NBEAL2: variants seen among roughly 807,000 people sequenced by gnomAD.
NBEAL2 encodes the protein neurobeachin-like protein 2.
In NBEAL2, 160 loss-of-function variants were observed where a neutral mutation model predicts 299.8. The observed-to-expected ratio is 0.53, with a 90% confidence interval of 0.47 to 0.61. The LOEUF (loss-of-function observed/expected upper bound fraction) is 0.61, where lower values mean the gene tolerates loss of function less well. NBEAL2 is among the 20% of genes least tolerant of loss of function. NBEAL2 has a pLI of 0.00. For synonymous variants in NBEAL2, 1,493 were observed against 1,542.3 expected (o/e 0.97, Z 0.75); for missense variants, 3,112 against 3,649.0 (o/e 0.85, Z 3.79).
intron 22 of NBEAL2, 34 bp downstream of exon 22, chr3:46,998,599 G>T: frequency 3.1e-6 from 5 of 1,592,610 alleles, no homozygotes; most frequent in Non-Finnish European, 4.3e-6. Flanking sequence ...GCCATGGGGG[G>T]CTGACACAGT....
rs1201645516 is a variant in NBEAL2, at chr3:46,991,825, T to C, written c.926-15T>C. The C allele has an allele frequency of 5.1e-6, 8 of 1,583,120 alleles. No individual in the cohort carries two copies. The highest frequency in any genetic ancestry group is 6.9e-6 in the Non-Finnish European group (8 of 1,164,736). ...GAGGGGTCTGGGCAGGGCCTGACCC[T>C]TGACCCTTCCACAGACGCCATCCCC... On this transcript the variant is annotated splice_polypyrimidine_tract_variant and intron_variant, in intron 8 of 53. Transcript: ENST00000450053. This position sits in a 1 kb window ranked among gnomAD's most constrained non-coding sequence, Gnocchi z 6.2.
Position 46,991,425 on chromosome 3 carries a change from T to A in NBEAL2, c.662T>A (p.Val221Glu). Residue 221 changes from valine (V) to glutamate (E), a missense_variant, in exon 8 of 54, where the codon GTA becomes GAA. Coordinates refer to ENST00000450053, the MANE Select transcript of NBEAL2 (RefSeq NM_015175.3). This position sits in a 1 kb window ranked among gnomAD's most constrained non-coding sequence, Gnocchi z 6.2. ...AGGKENGQMAVSDGSVKGLLS... is the reference protein window; with the variant it reads ...AGGKENGQMAESDGSVKGLLS... ...CTGCAGGAGAACGGGCAGATGGCTG[T>A]AAGTGATGGCTCTGTGAAGGGCCTG... The A allele has an allele frequency of 6.2e-7, 1 of 1,607,778 alleles. No individual in the cohort carries two copies. Among genetic ancestry groups the A allele is most frequent in the Non-Finnish European group, 8.5e-7 (1 of 1,176,094 alleles).
At chr3:47,008,751 A>G (rs534355838) in intron 52 of NBEAL2, 83 bp downstream of exon 52, 2 of 1,561,494 alleles carry the variant, frequency 1.3e-6, no homozygotes, top group East Asian at 2.3e-5. Context: ...CCCACACACC[A>G]TACATGTTTG....
At position 47,000,303 on chromosome 3, in the gene NBEAL2, C is replaced by T. The variant is rs2036877106; in HGVS notation, c.4204C>T (p.Pro1402Ser). 5.6e-6 allele frequency: 9 copies of T among 1,612,244 alleles called. No individual in the cohort carries two copies. In the East Asian group the frequency reaches 1.3e-4, roughly 24 times the overall value. Residue 1402 changes from proline (P) to serine (S), a missense_variant, in exon 27 of 54, where the codon CCT (proline) becomes TCT (serine). Physicochemically the swap from Pro to Ser is moderately conservative, Grantham distance 74. This residue lies in a region of NBEAL2 where 2,243 missense variants were observed against 2,538.1 expected (regional missense o/e 0.88). Transcript: ENST00000450053. The surrounding 1 kb of genome is among the most constrained non-coding windows in gnomAD (Gnocchi z 4.5). ...TGGGCCGCGGCCCTTTCCTGCTGCT[C>T]CTGGCCGCCACAGCTCCAGTCTCTC... ...LDGPRPFPAA[P>S]GRHSSSLSNV... is the part of the protein sequence containing the mutation.
chr3:46,983,065 G>A (rs1466308562), intron 1 of NBEAL2, among the ~76,000 whole-genome samples: 2 of 152,168 alleles, frequency 1.3e-5, no homozygotes. Flanking sequence ...GAATGTGGAA[G>A]GGCACTCAGG....
In NBEAL2 at chr3:46,996,404, C is replaced by G. The variant is rs2036503872; in HGVS notation, c.2285C>G (p.Ala762Gly). The G allele has an allele frequency of 6.2e-7, 1 of 1,611,758 alleles. No individual in the cohort carries two copies. Residue 762 changes from alanine (A) to glycine (G), a missense_variant, in exon 16 of 54, where the codon GCC (alanine) becomes GGC (glycine). Physicochemically the swap from Ala to Gly is moderately conservative, Grantham distance 60 (BLOSUM62 0). Transcript: ENST00000450053. ...PALTRSQSVP[A>G]STGLGWGSGL... Reference sequence around the variant, plus strand: ...CTCACCCGCTCCCAGTCAGTCCCAGCCTCCACAGGGCTTGGCTGGGGGTCC... The same window carrying G: ...CTCACCCGCTCCCAGTCAGTCCCAGGCTCCACAGGGCTTGGCTGGGGGTCC...
At position 46,996,443 on chromosome 3, in the gene NBEAL2, C is replaced by T; in HGVS notation, c.2324C>T (p.Pro775Leu). ...GLGWGSGLVA[P>L]LQEGSIDSTL... is the part of the protein sequence containing the mutation. ...GGCTGGGGGTCCGGGCTGGTGGCCC[C>T]CCTGCAGGAGGGCAGCATCGACTCT... The change falls in exon 16 of 54, where the codon CCC becomes CTC. Residue 775 changes from proline to leucine, a missense_variant. By Grantham distance (98) the Pro-to-Leu change is moderately conservative (BLOSUM62 -3). Coordinates refer to ENST00000450053, the MANE Select transcript of NBEAL2 (RefSeq NM_015175.3). 6.2e-7 allele frequency: 1 copy of T among 1,608,400 alleles called. No homozygotes were observed. Among genetic ancestry groups the T allele is most frequent in the Non-Finnish European group, 8.5e-7 (1 of 1,177,636 alleles).
In NBEAL2 at chr3:47,000,362, C is replaced by T; in HGVS notation, c.4263C>T (p.Pro1421=). The change falls in exon 27 of 54, where the codon CCC becomes CCT. Residue 1421 remains proline, a synonymous_variant. Transcript: ENST00000450053. This position sits in a 1 kb window ranked among gnomAD's most constrained non-coding sequence, Gnocchi z 4.5. ...TGGAGGACGGCAGCCTCCCGGAGCC[C>T]ACCATTAGCGGGGATGATACCTCGA... ...NVLEDGSLPE[P]TISGDDTSNT... 6.3e-7 allele frequency: 1 copy of T among 1,594,518 alleles called. No individual in the cohort carries two copies. Among genetic ancestry groups the T allele is most frequent in the Non-Finnish European group, 8.6e-7 (1 of 1,167,752 alleles).
Position 46,998,552 on chromosome 3 carries a change from C to T in NBEAL2, c.3208C>T (p.Arg1070Cys), listed in dbSNP as rs1323267930. Residue 1070 changes from arginine to cysteine, a missense_variant, in exon 22 of 54, where the codon CGC (arginine) becomes TGC (cysteine). Arg to Cys is a radical substitution (Grantham distance 180, BLOSUM62 -3). Coordinates refer to ENST00000450053, the MANE Select transcript of NBEAL2 (RefSeq NM_015175.3). ...YGVQFILDAL[R>C]THYSPQRERP... is the part of the protein sequence containing the mutation. ...CGTCCAGTTTATCTTGGATGCTCTG[C>T]GCACCCACTACAGGTGAGGCCAGTG... is the stretch of plus-strand genomic sequence containing the variant. 5 of 1,610,668 alleles carry T rather than the reference C, an allele frequency of 3.1e-6. No individual in the cohort carries two copies. Among genetic ancestry groups the T allele is most frequent in the Admixed American group, 3.4e-5 (2 of 59,622 alleles).
In NBEAL2 at chr3:46,988,444, T is replaced by C. The variant is rs998032774; in HGVS notation, c.52-225T>C. Among the ~76,000 whole-genome samples, 3 of 152,092 alleles carry C rather than the reference T, an allele frequency of 2.0e-5. No individual in the cohort carries two copies. Among genetic ancestry groups the C allele is most frequent in the African/African-American group, 7.2e-5 (3 of 41,428 alleles). On this transcript the variant is annotated intron_variant, in intron 1 of 53. Transcript: ENST00000450053. The surrounding 1 kb of genome is among the most constrained non-coding windows in gnomAD (Gnocchi z 4.4). Reference sequence around the variant, plus strand: ...AGAAGCAGTGGGGTGCCTGGAAAAGTGGTCAGTATGTACCTAACTCTCTGA... The same window carrying C: ...AGAAGCAGTGGGGTGCCTGGAAAAGCGGTCAGTATGTACCTAACTCTCTGA...
Position 47,004,744 on chromosome 3 carries a change from C to T in NBEAL2, c.6294+154C>T, listed in dbSNP as rs1362231693. The T allele has an allele frequency of 5.3e-6, 2 of 380,768 alleles. No homozygotes were observed. Among genetic ancestry groups the T allele is most frequent in the South Asian group, 4.1e-5 (1 of 24,634 alleles). 23.6% of individuals were successfully genotyped at this position (380,768 alleles called of 1,614,324 possible). ...ACCTGGCCTCTGTTCCCTGCCAACC[C>T]CCAGAGGTCCCCAGCCTCACTCCCT... is the stretch of plus-strand genomic sequence containing the variant. On this transcript the variant is annotated intron_variant, in intron 38 of 53. Coordinates refer to ENST00000450053, the MANE Select transcript of NBEAL2 (RefSeq NM_015175.3). This position sits in a 1 kb window ranked among gnomAD's most constrained non-coding sequence, Gnocchi z 5.0.
rs376711234 is a variant in NBEAL2 at position 46,991,206 on chromosome 3, C to G, written c.557-13C>G. On this transcript the variant is annotated splice_polypyrimidine_tract_variant and intron_variant, in intron 6 of 53. Transcript: ENST00000450053. This position sits in a 1 kb window ranked among gnomAD's most constrained non-coding sequence, Gnocchi z 6.2. ...CCTTGGTGACATTACCCTGCCCACACCCCCCTACCCAGAGAGCCTACAGAA... is the reference window on the plus strand; with the variant it reads ...CCTTGGTGACATTACCCTGCCCACAGCCCCCTACCCAGAGAGCCTACAGAA... 1.9e-6 allele frequency: 3 copies of G among 1,594,566 alleles called. No homozygotes were observed. The African/African-American group carries it at 4.0e-5, about 21-fold the overall frequency.
rs1300886679 is a variant in NBEAL2, at chr3:46,984,346, G to A, written c.52-4323G>A. Among the ~76,000 whole-genome samples the A allele has an allele frequency of 2.6e-5, 4 of 152,214 alleles. No homozygotes were observed. The South Asian group carries it at 6.2e-4, about 24-fold the overall frequency. On this transcript the variant is annotated intron_variant, in intron 1 of 53. Transcript: ENST00000450053. ...AAAAAAACAATAGTACAAGGGGATG[G>A]TCAGGCCCTGGGGCAGGGTGGGTGT...
chr3:47,009,380 C>G lies in NBEAL2; in HGVS notation c.*60C>G. ...GGCAGGCCTGGCCCGGGAGGCCCCG[C>G]CCAGAAGTCGGCGGGAACACCCCGG... On this transcript the variant is annotated 3_prime_UTR_variant, in exon 54 of 54. Coordinates refer to ENST00000450053, the MANE Select transcript of NBEAL2 (RefSeq NM_015175.3). 2 of 1,496,918 alleles carry G rather than the reference C, an allele frequency of 1.3e-6. No homozygotes were observed. The highest frequency in any genetic ancestry group is 1.8e-6 in the Non-Finnish European group (2 of 1,105,076). 92.7% of individuals were successfully genotyped at this position (1,496,918 alleles called of 1,614,324 possible). A position where few individuals can be genotyped will look rare whatever the true frequency, so the allele number is the denominator to read the frequency against.
chr3:46,981,576 G>A (rs866256398), intron 1 of NBEAL2, among the ~76,000 whole-genome samples: 60 of 152,244 alleles, frequency 3.9e-4, no homozygotes, highest in African/African-American at 1.4e-3. Flanking sequence ...GGGTCCCCTC[G>A]CCCCAGCTTC....
In NBEAL2 at chr3:46,988,678, G is replaced by T; in HGVS notation, c.61G>T (p.Gly21Cys). 1 of 1,613,860 alleles carries T rather than the reference G, an allele frequency of 6.2e-7. No homozygotes were observed. Residue 21 changes from glycine to cysteine, a missense_variant, in exon 2 of 54, where the codon GGT (glycine) becomes TGT (cysteine). Coordinates refer to ENST00000450053, the MANE Select transcript of NBEAL2 (RefSeq NM_015175.3). The surrounding 1 kb of genome is among the most constrained non-coding windows in gnomAD (Gnocchi z 4.4). Reference protein sequence around the residue: ...WLLYYAQKDLGYLQQWLKAFV... With the variant: ...WLLYYAQKDLCYLQQWLKAFV... The stretch of plus-strand genomic sequence containing the variant: ...CCTGTTCTGCCTACAGAAGGACCTG[G>T]GTTACCTGCAGCAGTGGCTGAAGGC...
chr3:47,005,885 G>C (rs376807310), intron 42 of NBEAL2, 38 bp downstream of exon 42: 8 of 1,612,736 alleles, frequency 5.0e-6, no homozygotes, highest in Non-Finnish European at 6.8e-6. Flanking sequence ...AGGCAGCCGG[G>C]GTTCTGAAGA....
At position 46,997,638 on chromosome 3, in the gene NBEAL2, C is replaced by A; in HGVS notation, c.2902C>A (p.Gln968Lys). The A allele has an allele frequency of 6.3e-7, 1 of 1,592,762 alleles. No individual in the cohort carries two copies. Among genetic ancestry groups the A allele is most frequent in the Non-Finnish European group, 8.6e-7 (1 of 1,165,316 alleles). Residue 968 changes from glutamine to lysine, a missense_variant, in exon 20 of 54, where the codon CAA (glutamine) becomes AAA (lysine). By Grantham distance (53) the Gln-to-Lys change is moderately conservative. Transcript: ENST00000450053. ...RNFLQGHMVN[Q>K]ESLVQCQGPA... ...CTTCCTTCAGGGTCACATGGTGAAC[C>A]AAGAGAGCCTGGTGCAGTGCCAGGG...
chr3:46,995,756 G>A lies in NBEAL2; in HGVS notation c.1941G>A (p.Thr647=), dbSNP rs762721587. Residue 647 remains threonine (T), a synonymous_variant, in exon 14 of 54, where the codon ACG becomes ACA. Transcript: ENST00000450053. ...SSGSGFEAFF[T]AAGTLVVAVC... ...GCTCAGGGTTTGAGGCCTTCTTCAC[G>A]GCGGCCGGGACCCTGGTGGTGGCTG... 168 of 1,613,682 alleles carry A rather than the reference G, an allele frequency of 1.0e-4. No individual in the cohort carries two copies. The highest frequency in any genetic ancestry group is 1.3e-4 in the Non-Finnish European group (156 of 1,179,872).
Sources: gnomAD v4.1 joint callset for allele counts (sites outside exome capture counted in the v4.1 genomes callset) on GRCh38, gnomAD v4.1.1 for gene constraint, gnomAD v4.1.1 regional missense constraint, Gnocchi (gnomAD v3.1) non-coding constraint, MANE v1.5 for transcripts, NCBI Gene and HGNC (gene_info 2026-07-23, HGNC 2026-07-21) for gene names.